The following LUZP2 variants were observed in gnomAD, a reference collection of about 807,000 sequenced individuals.
The protein encoded by LUZP2 is leucine zipper protein 2.
A neutral mutation model predicts 51.6 loss-of-function variants in LUZP2; 52 were observed. The ratio of observed to expected loss-of-function variants is 1.01; its 90% CI spans 0.81 to 1.27. The LOEUF (loss-of-function observed/expected upper bound fraction) is 1.27, where lower values mean the gene tolerates loss of function less well. Ranked by LOEUF, LUZP2 falls within the 50% of genes most tolerant of loss-of-function variation. LUZP2 has a pLI of 0.00. For missense variants in LUZP2, 436 were observed against 395.4 expected (o/e 1.10, Z -0.87); for synonymous variants, 154 against 137.3 (o/e 1.12, Z -0.85).
intron 1 of LUZP2, among the ~76,000 whole-genome samples, chr11:24,586,749 A>G (rs1423510206): frequency 6.6e-6 from 1 of 152,128 alleles, no homozygotes; most frequent in Admixed American, 6.6e-5. Context: ...TTTACAGACA[A>G]TAATTAATCC....
At chr11:24,617,701 G>A (rs1854335778) in intron 1 of LUZP2, among the ~76,000 whole-genome samples, 1 of 151,940 alleles carries the variant, frequency 6.6e-6, no homozygotes, top group South Asian at 2.1e-4. Context: ...GGCACCTGTA[G>A]TCCCAGCTAC....
intron 1 of LUZP2, among the ~76,000 whole-genome samples, chr11:24,727,303 G>T (rs979805421): frequency 2.0e-5 from 3 of 151,948 alleles, no homozygotes; most frequent in African/African-American, 7.2e-5. Flanking sequence ...CAAATTTGTG[G>T]TTAAGATATT....
chr11:24,605,619 G>A (rs1180568258), intron 1 of LUZP2, among the ~76,000 whole-genome samples: 1 of 151,578 alleles, frequency 6.6e-6, no homozygotes, highest in Non-Finnish European at 1.5e-5. Flanking sequence ...CTTTATTGAA[G>A]TAAAATTGAC....
At chr11:24,703,413 G>A (rs1284637420) in intron 1 of LUZP2, among the ~76,000 whole-genome samples, 1 of 152,150 alleles carries the variant, frequency 6.6e-6, no homozygotes, top group African/African-American at 2.4e-5. Flanking sequence ...GAGTTTGGAA[G>A]GGAAACGTCA....
chr11:24,616,790 C>T (rs1423432568), intron 1 of LUZP2, among the ~76,000 whole-genome samples: 2 of 152,070 alleles, frequency 1.3e-5, no homozygotes, highest in Non-Finnish European at 2.9e-5. Context: ...GTTTACATCT[C>T]CTGCCTTTCC....
chr11:24,551,561 A>G (rs969128039), intron 1 of LUZP2, among the ~76,000 whole-genome samples: 3 of 152,052 alleles, frequency 2.0e-5, no homozygotes, highest in Admixed American at 1.3e-4. Context: ...TAATACCATT[A>G]TACTTTAAAT....
At chr11:24,796,336 C>T (rs1849543050) in intron 5 of LUZP2, among the ~76,000 whole-genome samples, 1 of 152,102 alleles carries the variant, frequency 6.6e-6, no homozygotes, top group South Asian at 2.1e-4. Flanking sequence ...TTCTCTGCCA[C>T]TCTTCCAATT....
chr11:25,028,008 C>T (rs1024142966), intron 9 of LUZP2, among the ~76,000 whole-genome samples: 3 of 151,972 alleles, frequency 2.0e-5, no homozygotes, highest in Non-Finnish European at 4.4e-5. Flanking sequence ...TCTATTGGAA[C>T]TTGCTACGTG....
At chr11:24,605,029 A>G (rs774047607) in intron 1 of LUZP2, among the ~76,000 whole-genome samples, 1 of 151,858 alleles carries the variant, frequency 6.6e-6, no homozygotes, top group Non-Finnish European at 1.5e-5. Context: ...AGTTAACATC[A>G]TATGTGTAAT....
intron 4 of LUZP2, among the ~76,000 whole-genome samples, chr11:24,742,449 T>C (rs1859218001): frequency 1.3e-5 from 2 of 152,116 alleles, no homozygotes; most frequent in African/African-American, 4.8e-5. Flanking sequence ...TCCCTGATCA[T>C]TAATGATATT....
At chr11:24,958,373 T>G (rs1305084341) in intron 7 of LUZP2, among the ~76,000 whole-genome samples, 1 of 152,204 alleles carries the variant, frequency 6.6e-6, no homozygotes, top group Non-Finnish European at 1.5e-5. Context: ...CCACCAACAG[T>G]GTAAAAGTGT....
intron 1 of LUZP2, among the ~76,000 whole-genome samples, chr11:24,606,816 A>C (rs1853935004): frequency 1.3e-5 from 2 of 152,012 alleles, no homozygotes; most frequent in Non-Finnish European, 2.9e-5. Context: ...AACTCATTAT[A>C]TTTTGACTTT....
chr11:24,854,305 A>C (rs998180084), intron 5 of LUZP2, among the ~76,000 whole-genome samples: 2 of 152,204 alleles, frequency 1.3e-5, no homozygotes, highest in Non-Finnish European at 2.9e-5. Flanking sequence ...CCTTTCTTTC[A>C]GTGATGCCCT....
intron 5 of LUZP2, among the ~76,000 whole-genome samples, chr11:24,819,573 A>T (rs1477336459): frequency 6.6e-6 from 1 of 151,926 alleles, no homozygotes; most frequent in East Asian, 1.9e-4. Flanking sequence ...TTTGAAATAT[A>T]TTTTTTACTG....
At chr11:25,056,818 T>C (rs1231693866) in intron 10 of LUZP2, among the ~76,000 whole-genome samples, 11 of 151,908 alleles carry the variant, frequency 7.2e-5, no homozygotes, top group Admixed American at 5.2e-4. Context: ...CTTTGAGAAA[T>C]TGCCGGGCGC....
At chr11:24,713,390 T>A (rs1857913231) in intron 1 of LUZP2, among the ~76,000 whole-genome samples, 1 of 152,132 alleles carries the variant, frequency 6.6e-6, no homozygotes, top group South Asian at 2.1e-4. Context: ...TTAATAGGAA[T>A]CTATACCTTG....
intron 9 of LUZP2, among the ~76,000 whole-genome samples, chr11:24,986,009 A>G (rs1856178207): frequency 6.6e-6 from 1 of 151,772 alleles, no homozygotes; most frequent in Non-Finnish European, 1.5e-5. Flanking sequence ...GTTTATGACA[A>G]AAGTGCATTT....
chr11:24,752,371 G>A (rs928580212), intron 4 of LUZP2, among the ~76,000 whole-genome samples: 1 of 152,094 alleles, frequency 6.6e-6, no homozygotes, highest in African/African-American at 2.4e-5. Flanking sequence ...ATATAAACTG[G>A]CATTCAAATG....
At chr11:24,975,243 A>G (rs898553671) in intron 7 of LUZP2, among the ~76,000 whole-genome samples, 2 of 152,010 alleles carry the variant, frequency 1.3e-5, no homozygotes, top group Non-Finnish European at 2.9e-5. Context: ...TTTGATTTAT[A>G]TTAAAAGATG....
Sources: allele counts gnomAD v4.1 joint callset (sites outside exome capture counted in the v4.1 genomes callset), GRCh38; gene constraint gnomAD v4.1.1; transcripts MANE v1.5; gene names NCBI Gene and HGNC (gene_info 2026-07-23, HGNC 2026-07-21).